Variants in RNGTT observed in about 807,000 individuals in gnomAD.
The protein encoded by RNGTT is mRNA-capping enzyme.
RNGTT carries 33 observed loss-of-function variants against 79.3 expected under a neutral mutation model. The ratio of observed to expected loss-of-function variants is 0.42; its 90% CI spans 0.32 to 0.56. The LOEUF is 0.56. Ranked by LOEUF, RNGTT falls within the 20% of genes least tolerant of loss-of-function variation. The probability of loss-of-function intolerance (pLI) is 0.17; values close to 1 mark genes in which losing one functional copy is unlikely to be tolerated. For synonymous variants in RNGTT, 222 were observed against 235.9 expected, an observed-to-expected ratio of 0.94 and a Z score of 0.54; for missense variants, 497 against 739.1, an observed-to-expected ratio of 0.67 and a Z score of 3.80.
chr6:88,943,744 T>A (rs1318662998), intron 1 of RNGTT, among the ~76,000 whole-genome samples: 1 of 152,218 alleles, frequency 6.6e-6, no homozygotes, highest in Non-Finnish European at 1.5e-5. Flanking sequence ...CCTATTTCCA[T>A]CAGCTCTTTC....
chr6:88,726,133 G>T (rs1776895391), intron 13 of RNGTT, among the ~76,000 whole-genome samples: 1 of 152,094 alleles, frequency 6.6e-6, no homozygotes, highest in East Asian at 1.9e-4. Flanking sequence ...GATAATTGAA[G>T]GTCTTCTCTA....
rs73496501 is a variant in RNGTT, at chr6:88,786,515, C to T, written c.1338+15049G>A. Among the ~76,000 whole-genome samples, 426 of 152,036 alleles carry T rather than the reference C, an allele frequency of 2.8e-3. 3 individuals carry two copies. The highest frequency in any genetic ancestry group is 9.9e-3 in the African/African-American group (411 of 41,472). On this transcript the variant is annotated intron_variant, in intron 12 of 15. Coordinates refer to ENST00000369485, the MANE Select transcript of RNGTT (RefSeq NM_003800.5). ...GGAAGTGTAATCACAGAACTGAAAA[C>T]CATATAGATAGGAGTCTAATAAAAC... is the stretch of plus-strand genomic sequence containing the variant.
intron 8 of RNGTT, among the ~76,000 whole-genome samples, chr6:88,888,746 C>G (rs754349213): frequency 2.0e-5 from 3 of 152,162 alleles, no homozygotes; most frequent in Non-Finnish European, 2.9e-5. Context: ...ATAAAAACCA[C>G]AGGCCAGGCA....
intron 11 of RNGTT, among the ~76,000 whole-genome samples, chr6:88,842,275 A>G (rs1277010443): frequency 1.3e-5 from 2 of 152,194 alleles, no homozygotes; most frequent in African/African-American, 4.8e-5. Flanking sequence ...CAAATGAGAA[A>G]TGGAGAAAAG....
chr6:88,667,589 T>TAGAG (rs1774465077), intron 14 of RNGTT, among the ~76,000 whole-genome samples: 1 of 151,960 alleles, frequency 6.6e-6, no homozygotes, highest in Non-Finnish European at 1.5e-5. Context: ...TCTGGGTGGG[T>TAGAG]AGAGGCTTAT....
chr6:88,896,543 A>G (rs1003075917), intron 6 of RNGTT, among the ~76,000 whole-genome samples: 1 of 152,200 alleles, frequency 6.6e-6, no homozygotes, highest in Non-Finnish European at 1.5e-5. Flanking sequence ...ATACAAATAA[A>G]GGGACAAAAG....
At chr6:88,644,314 T>A (rs894515353) in intron 14 of RNGTT, among the ~76,000 whole-genome samples, 1 of 151,252 alleles carries the variant, frequency 6.6e-6, no homozygotes, top group Non-Finnish European at 1.5e-5. Flanking sequence ...AGAAGTTGAA[T>A]CTCTGAATAG....
chr6:88,952,088 C>T (rs779918054), intron 1 of RNGTT, among the ~76,000 whole-genome samples: 15 of 151,964 alleles, frequency 9.9e-5, no homozygotes, highest in Non-Finnish European at 1.9e-4. Context: ...GGGGGTGCAC[C>T]ACAGAAGTAA....
chr6:88,751,406 T>C (rs1156473213), intron 13 of RNGTT, among the ~76,000 whole-genome samples: 1 of 152,130 alleles, frequency 6.6e-6, no homozygotes, highest in Non-Finnish European at 1.5e-5. Context: ...AAATAACTCA[T>C]GTAACTGCAT....
chr6:88,949,216 C>A, intron 1 of RNGTT, among the ~76,000 whole-genome samples: 1 of 131,120 alleles, frequency 7.6e-6, no homozygotes, highest in African/African-American at 2.9e-5. Context: ...ACAAGTGCTA[C>A]TCCAGTGAAC....
chr6:88,837,515 G>A (rs1781121477), intron 11 of RNGTT, among the ~76,000 whole-genome samples: 1 of 151,630 alleles, frequency 6.6e-6, no homozygotes, highest in Non-Finnish European at 1.5e-5. Flanking sequence ...AGTTTCCAAA[G>A]ATTTACAACA....
chr6:88,925,286 T>C (rs958115148), intron 4 of RNGTT, among the ~76,000 whole-genome samples: 1 of 152,072 alleles, frequency 6.6e-6, no homozygotes, highest in African/African-American at 2.4e-5. Flanking sequence ...GAACAAATAA[T>C]AAGCATTTAT....
intron 2 of RNGTT, among the ~76,000 whole-genome samples, chr6:88,932,753 T>C (rs894737051): frequency 6.6e-6 from 1 of 152,162 alleles, no homozygotes; most frequent in Non-Finnish European, 1.5e-5. Context: ...TTGATTTGCA[T>C]TCAGGGCCCT....
At chr6:88,900,170 G>A (rs1428885430) in intron 6 of RNGTT, among the ~76,000 whole-genome samples, 1 of 145,262 alleles carries the variant, frequency 6.9e-6, no homozygotes, top group South Asian at 2.2e-4. Flanking sequence ...GATATCAAAA[G>A]GACACGAGAA....
chr6:88,626,557 C>T (rs946405178), intron 14 of RNGTT, among the ~76,000 whole-genome samples: 4 of 152,054 alleles, frequency 2.6e-5, no homozygotes, highest in African/African-American at 4.8e-5. Context: ...TTGAACCCAG[C>T]ACAGTATCTG....
rs183794258 is a variant in RNGTT at position 88,901,667 on chromosome 6, G to A, written c.684+3048C>T. On this transcript the variant is annotated intron_variant, in intron 6 of 15. Coordinates refer to ENST00000369485, the MANE Select transcript of RNGTT (RefSeq NM_003800.5). ...GATTACAGGCGCCTGCCACTAGGCC[G>A]AGCTAATTTTTTTGTATTTTTAGTA... Among the ~76,000 whole-genome samples the A allele has an allele frequency of 5.5e-3, 840 of 151,678 alleles. 7 individuals are homozygous for A. The highest frequency in any genetic ancestry group is 0.017 in the African/African-American group (720 of 41,332).
chr6:88,735,789 T>C (rs1183939290), intron 13 of RNGTT, among the ~76,000 whole-genome samples: 1 of 151,814 alleles, frequency 6.6e-6, no homozygotes. Flanking sequence ...ACGAGCAATT[T>C]AACCTTAAAG....
chr6:88,739,222 A>C (rs1252263004), intron 13 of RNGTT, among the ~76,000 whole-genome samples: 2 of 152,150 alleles, frequency 1.3e-5, no homozygotes, highest in African/African-American at 2.4e-5. Context: ...CTGGTAAGAC[A>C]AAAGGTGAAG....
rs897823909 is a variant in RNGTT, at chr6:88,759,864, C to T, written c.1439+9910G>A. Reference sequence around the variant, plus strand: ...GTTCCTAAGTTACTTCATTTTCCCCCCCACCAACTTCAATGTGATTCAAAG... The same window carrying T: ...GTTCCTAAGTTACTTCATTTTCCCCTCCACCAACTTCAATGTGATTCAAAG... On this transcript the variant is annotated intron_variant, in intron 13 of 15. Coordinates refer to ENST00000369485, the MANE Select transcript of RNGTT (RefSeq NM_003800.5). Among the ~76,000 whole-genome samples the T allele has an allele frequency of 3.3e-5, 5 of 152,008 alleles. No homozygotes were observed. The East Asian group carries it at 9.6e-4, about 29-fold the overall frequency.
Sources: gnomAD v4.1 joint callset for allele counts (sites outside exome capture counted in the v4.1 genomes callset) on GRCh38, gnomAD v4.1.1 for gene constraint, MANE v1.5 for transcripts, NCBI Gene and HGNC (gene_info 2026-07-23, HGNC 2026-07-21) for gene names.